SMARCA2: variants seen among roughly 807,000 people sequenced by gnomAD.
SMARCA2 encodes SWI/SNF related BAF chromatin remodeling complex subunit ATPase 2.
Under a neutral mutation model 199.8 loss-of-function variants are expected in SMARCA2, and 61 were observed. That is an observed-to-expected ratio of 0.31 (90% CI 0.25 to 0.38). SMARCA2 has a LOEUF of 0.38. Among genes scored for constraint, SMARCA2 ranks in the 10% least tolerant of loss-of-function variants. The pLI is 1.00. For missense variants in SMARCA2, 1,344 were observed against 2,012.2 expected (o/e 0.67, Z 6.35); for synonymous variants, 935 against 732.0 (o/e 1.28, Z -4.48).
rs1164056717 is a variant in SMARCA2, at chr9:2,056,038, C to G, written c.1174-634C>G. On this transcript the variant is annotated intron_variant, in intron 6 of 33. Coordinates refer to ENST00000349721, the MANE Select transcript of SMARCA2 (RefSeq NM_003070.5). The surrounding 1 kb of genome is among the most constrained non-coding windows in gnomAD (Gnocchi z 4.0). ...AATGTGTATTCTCCAGTCCCTACCC[C>G]CTACCACCACATAACATGCAATACA... Among the ~76,000 whole-genome samples, 2 of 152,150 alleles carry G rather than the reference C, an allele frequency of 1.3e-5. No homozygotes were observed. Among genetic ancestry groups the G allele is most frequent in the Non-Finnish European group, 2.9e-5 (2 of 68,028 alleles).
intron 12 of SMARCA2, 72 bp downstream of exon 12, chr9:2,073,695 A>G: frequency 4.3e-6 from 5 of 1,162,748 alleles, no homozygotes; most frequent in Non-Finnish European, 6.4e-6. Context: ...CCTGAATGTA[A>G]GCCCGGGCCT....
At chr9:2,033,845 G>C (rs1462786601) in intron 3 of SMARCA2, among the ~76,000 whole-genome samples, 4 of 152,122 alleles carry the variant, frequency 2.6e-5, no homozygotes, top group Non-Finnish European at 5.9e-5. Context: ...AATTTTTCCT[G>C]TGTGTCTGTC....
intron 27 of SMARCA2, among the ~76,000 whole-genome samples, chr9:2,150,723 G>A (rs1825019926): frequency 6.6e-6 from 1 of 151,702 alleles, no homozygotes; most frequent in Admixed American, 6.6e-5. Context: ...AAATACCACA[G>A]ATTGGTGGTT....
chr9:2,185,934 G>A (rs1374232399), intron 31 of SMARCA2, among the ~76,000 whole-genome samples, 162 bp from the exon 32 acceptor site: 1 of 152,154 alleles, frequency 6.6e-6, no homozygotes, highest in Non-Finnish European at 1.5e-5. Context: ...GTCTGTATTT[G>A]GGCTTGGCGT....
intron 5 of SMARCA2, 40 bp downstream of exon 5, chr9:2,047,524 T>C: frequency 7.7e-7 from 1 of 1,292,190 alleles, no homozygotes; most frequent in Non-Finnish European, 9.9e-7. Context: ...TGCGGTGTGC[T>C]AGCACCTGCC....
At chr9:2,101,719 C>G (rs1822523355) in intron 22 of SMARCA2, 103 bp downstream of exon 22, 6 of 611,030 alleles carry the variant, frequency 9.8e-6, no homozygotes, top group Non-Finnish European at 1.8e-5. Flanking sequence ...TTACTTCCAG[C>G]CCTCTAAGGG....
Position 2,096,806 on chromosome 9 carries a change from G to A in SMARCA2, c.2991+42G>A, listed in dbSNP as rs775760192. 6 of 1,132,966 alleles carry A rather than the reference G, an allele frequency of 5.3e-6. No individual in the cohort carries two copies. The African/African-American group carries it at 6.1e-5, about 11-fold the overall frequency. 70.2% of individuals were successfully genotyped at this position (1,132,966 alleles called of 1,614,324 possible). On this transcript the variant is annotated intron_variant, in intron 20 of 33. Coordinates refer to ENST00000349721, the MANE Select transcript of SMARCA2 (RefSeq NM_003070.5). ...GATGCAACTCAAGGTGCTGTGGTAT[G>A]TCTTCTCATGGCTGTGACATTGAAT...
intron 1 of SMARCA2, among the ~76,000 whole-genome samples, chr9:2,024,700 C>T (rs1388490320): frequency 1.3e-5 from 2 of 151,970 alleles, no homozygotes; most frequent in Non-Finnish European, 2.9e-5. Context: ...CTGGTGAAAA[C>T]TCTGGTGGAA....
Position 2,032,942 on chromosome 9 carries a change from AAT to A in SMARCA2, c.226-9_226-8del, listed in dbSNP as rs764876590. On this transcript the variant is annotated splice_polypyrimidine_tract_variant and splice_region_variant and intron_variant, in intron 2 of 33. Transcript: ENST00000349721. ...AGAGGTGTCTAACTAATGTCCTTTAAATGTTTCAGCCCATCGATGGTATACAT... is the reference window on the plus strand; with the variant it reads ...AGAGGTGTCTAACTAATGTCCTTTAAGTTTCAGCCCATCGATGGTATACAT... 9 of 1,612,798 alleles carry A rather than the reference AAT, an allele frequency of 5.6e-6. No individual in the cohort carries two copies. In the South Asian group the frequency reaches 9.9e-5, roughly 18 times the overall value.
At chr9:2,029,727 T>C (rs988026341) in intron 2 of SMARCA2, among the ~76,000 whole-genome samples, 1 of 152,256 alleles carries the variant, frequency 6.6e-6, no homozygotes, top group South Asian at 2.1e-4. Flanking sequence ...TGAAATTAAA[T>C]AGTTTCTAGG....
chr9:2,040,052 C>A, intron 4 of SMARCA2, 152 bp downstream of exon 4: 1 of 1,397,990 alleles, frequency 7.2e-7, no homozygotes, highest in Non-Finnish European at 9.5e-7. Flanking sequence ...CTTAGATGGC[C>A]AAGATTCTTG....
chr9:2,072,900 G>A (rs987550101), intron 10 of SMARCA2, among the ~76,000 whole-genome samples: 1 of 152,200 alleles, frequency 6.6e-6, no homozygotes, highest in Non-Finnish European at 1.5e-5. Context: ...ACTGTGGTCT[G>A]CCCTGCACCG....
chr9:2,149,048 C>T (rs749217304), intron 27 of SMARCA2, among the ~76,000 whole-genome samples: 1 of 151,448 alleles, frequency 6.6e-6, no homozygotes, highest in Non-Finnish European at 1.5e-5. Flanking sequence ...TTAGTAAAAC[C>T]TGCCTGTATT....
chr9:2,060,780 T>C, intron 8 of SMARCA2, 36 bp from the exon 9 acceptor site: 3 of 1,603,814 alleles, frequency 1.9e-6, no homozygotes, highest in South Asian at 1.1e-5. Flanking sequence ...TGCACGCTTA[T>C]ATTATGCTCT....
At chr9:2,145,358 G>C (rs573726205) in intron 27 of SMARCA2, among the ~76,000 whole-genome samples, 7 of 151,532 alleles carry the variant, frequency 4.6e-5, no homozygotes, top group African/African-American at 1.7e-4. Flanking sequence ...CTATAGAAAG[G>C]AGAGATATTT....
At chr9:2,132,768 T>C (rs1824020126) in intron 27 of SMARCA2, among the ~76,000 whole-genome samples, 1 of 152,228 alleles carries the variant, frequency 6.6e-6, no homozygotes, top group African/African-American at 2.4e-5. Flanking sequence ...AGTACTGAAC[T>C]AATTAAGAGT....
chr9:2,131,870 T>C (rs1182192747), intron 27 of SMARCA2, among the ~76,000 whole-genome samples: 1 of 143,430 alleles, frequency 7.0e-6, no homozygotes. Flanking sequence ...AACCTGGAGG[T>C]GGAGCCCGCA....
At chr9:2,117,089 A>T (rs1823245888) in intron 25 of SMARCA2, among the ~76,000 whole-genome samples, 1 of 152,202 alleles carries the variant, frequency 6.6e-6, no homozygotes, top group South Asian at 2.1e-4. Flanking sequence ...ACATGGCCCC[A>T]TCTTAAGTCT....
chr9:2,016,186 C>T lies in SMARCA2; in HGVS notation c.-37+782C>T, dbSNP rs1374306252. On this transcript the variant is annotated intron_variant, in intron 1 of 33. Coordinates refer to ENST00000349721, the MANE Select transcript of SMARCA2 (RefSeq NM_003070.5). This position sits in a 1 kb window ranked among gnomAD's most constrained non-coding sequence, Gnocchi z 5.6. ...GGTGTCACCTCCACTTTCCGCGTTT[C>T]CTCCGGCGTGGATGGGGAGGCTGAT... 6.6e-6 allele frequency: 1 copy of T among 152,378 alleles called. No individual in the cohort carries two copies. Among genetic ancestry groups the T allele is most frequent in the Non-Finnish European group, 1.5e-5 (1 of 68,174 alleles). 9.4% of individuals were successfully genotyped at this position (152,378 alleles called of 1,614,324 possible).
Sources: allele counts gnomAD v4.1 joint callset (sites outside exome capture counted in the v4.1 genomes callset), GRCh38; gene constraint gnomAD v4.1.1; non-coding constraint Gnocchi (gnomAD v3.1); transcripts MANE v1.5; gene names NCBI Gene and HGNC (gene_info 2026-07-23, HGNC 2026-07-21).